GK5: variants seen among roughly 807,000 people sequenced by gnomAD.
The protein encoded by GK5 is ATP:glycerol 3-phosphotransferase 5.
Under a neutral mutation model 77.3 loss-of-function variants are expected in GK5, and 39 were observed. That is an observed-to-expected ratio of 0.50 (90% CI 0.39 to 0.66). The LOEUF is 0.66. Ranked by LOEUF, GK5 falls within the 30% of genes least tolerant of loss-of-function variation. The pLI, the probability that GK5 is intolerant of heterozygous loss-of-function variation, is 0.00. For synonymous variants in GK5, 211 were observed against 208.0 expected (o/e 1.01, Z -0.13); for missense variants, 487 against 633.8 (o/e 0.77, Z 2.49).
At chr3:142,184,560 A>C (rs2063742192) in intron 9 of GK5, among the ~76,000 whole-genome samples, 1 of 152,066 alleles carries the variant, frequency 6.6e-6, no homozygotes, top group African/African-American at 2.4e-5. Context: ...AAGGATCAAA[A>C]CTCATCTAAA....
intron 4 of GK5, among the ~76,000 whole-genome samples, chr3:142,199,727 G>A (rs1404900027): frequency 6.8e-6 from 1 of 148,110 alleles, no homozygotes; most frequent in Non-Finnish European, 1.5e-5. Flanking sequence ...TAGGTATACA[G>A]AAAACAAGCT....
At chr3:142,206,624 C>A (rs1015782744) in intron 3 of GK5, among the ~76,000 whole-genome samples, 9 of 152,188 alleles carry the variant, frequency 5.9e-5, no homozygotes, top group African/African-American at 2.2e-4. Context: ...TGTAGGAATT[C>A]TTTACATGTT....
At chr3:142,182,416 C>T (rs1278946380) in intron 10 of GK5, among the ~76,000 whole-genome samples, 2 of 152,048 alleles carry the variant, frequency 1.3e-5, no homozygotes, top group Non-Finnish European at 2.9e-5. Context: ...GCGATCTTGG[C>T]TCACTGCAAC....
chr3:142,189,908 AAATAT>A (rs1167154754), intron 5 of GK5, among the ~76,000 whole-genome samples: 2 of 152,208 alleles, frequency 1.3e-5, no homozygotes, highest in Non-Finnish European at 2.9e-5. Context: ...AGAATTTTAC[AAATAT>A]AATATCAAGG....
chr3:142,168,032 A>G (rs1447144470), intron 15 of GK5, among the ~76,000 whole-genome samples: 1 of 152,028 alleles, frequency 6.6e-6, no homozygotes, highest in African/African-American at 2.4e-5. Context: ...AAACAAAACA[A>G]AACAAAACAA....
At chr3:142,225,151 C>G (rs2064409565) in intron 1 of GK5, among the ~76,000 whole-genome samples, 158 bp downstream of exon 1, 1 of 152,166 alleles carries the variant, frequency 6.6e-6, no homozygotes, top group Non-Finnish European at 1.5e-5. Context: ...AAGACTCAGC[C>G]GGTCTGGGCG....
chr3:142,186,001 A>T lies in GK5; in HGVS notation c.756-12T>A. On this transcript the variant is annotated splice_polypyrimidine_tract_variant and intron_variant, in intron 8 of 15. Coordinates refer to ENST00000392993, the MANE Select transcript of GK5 (RefSeq NM_001039547.3). ...ATCCAAAATTGTGGCTTCAAATAAA[A>T]TTCATTAAAAAGTTAGTTACAGCTC... The T allele has an allele frequency of 6.3e-7, 1 of 1,594,866 alleles. No individual in the cohort carries two copies. The highest frequency in any genetic ancestry group is 8.6e-7 in the Non-Finnish European group (1 of 1,166,174).
chr3:142,186,682 G>A (rs536673627), intron 6 of GK5, among the ~76,000 whole-genome samples, 169 bp from the exon 7 acceptor site: 2 of 145,622 alleles, frequency 1.4e-5, no homozygotes, highest in Non-Finnish European at 3.0e-5. Flanking sequence ...CCAGGCTAGA[G>A]TGCAATGGCA....
chr3:142,224,982 C>T (rs866440030), intron 1 of GK5, among the ~76,000 whole-genome samples: 1 of 152,208 alleles, frequency 6.6e-6, no homozygotes, highest in African/African-American at 2.4e-5. Context: ...CAGTCCCGTC[C>T]GGCGAGTCAC....
intron 4 of GK5, among the ~76,000 whole-genome samples, chr3:142,200,744 T>C (rs2064009130): frequency 6.6e-6 from 1 of 152,218 alleles, no homozygotes; most frequent in Non-Finnish European, 1.5e-5. Context: ...TAACTGCACT[T>C]TTAGACAACA....
In GK5 at chr3:142,181,659, G is replaced by A. The variant is rs1348326523; in HGVS notation, c.944-94C>T. On this transcript the variant is annotated intron_variant, in intron 10 of 15. Transcript: ENST00000392993. ...AATGATTTGGTTATCTCAAAAAACTGCAAAGTGCCTCTGAAGTCAGACTGT... is the reference window on the plus strand; with the variant it reads ...AATGATTTGGTTATCTCAAAAAACTACAAAGTGCCTCTGAAGTCAGACTGT... 3.7e-6 allele frequency: 3 copies of A among 816,170 alleles called. No individual in the cohort carries two copies. In the African/African-American group the frequency reaches 5.3e-5, roughly 14 times the overall value. The allele number at this position is 816,170 out of a possible 1,614,324, so 50.6% of individuals were successfully genotyped here.
rs199647397 is a variant in GK5 at position 142,197,197 on chromosome 3, GA to G, written c.543+1604del. Among the ~76,000 whole-genome samples, 424 of 146,396 alleles carry G rather than the reference GA, an allele frequency of 2.9e-3. 2 individuals carry two copies. Among genetic ancestry groups the G allele is most frequent in the African/African-American group, 6.5e-3 (258 of 39,930 alleles). On this transcript the variant is annotated intron_variant, in intron 5 of 15. Transcript: ENST00000392993. ...GTGAGACTCCGTCTCAAAAAAAAGAGAAAAAAAAAAGAAAGTGGGGTACTGA... is the reference window on the plus strand; with the variant it reads ...GTGAGACTCCGTCTCAAAAAAAAGAGAAAAAAAAAGAAAGTGGGGTACTGA...
chr3:142,185,598 T>C, intron 9 of GK5: 9 of 1,115,746 alleles, frequency 8.1e-6, no homozygotes, highest in Non-Finnish European at 8.8e-6. Context: ...CATCACTGTG[T>C]TTTGTCTCAG....
intron 5 of GK5, 144 bp from the exon 6 acceptor site, chr3:142,187,923 G>T: frequency 3.2e-6 from 2 of 617,490 alleles, no homozygotes; most frequent in Non-Finnish European, 5.6e-6. Flanking sequence ...TATTCCAAAT[G>T]GTTCTAAGTG....
At chr3:142,215,987 A>C (rs1051481570) in intron 1 of GK5, among the ~76,000 whole-genome samples, 2 of 152,212 alleles carry the variant, frequency 1.3e-5, no homozygotes, top group Non-Finnish European at 2.9e-5. Flanking sequence ...GCTTTTAAAA[A>C]ATTAAAAATA....
chr3:142,174,293 T>C (rs577217841), intron 12 of GK5, among the ~76,000 whole-genome samples: 7 of 152,324 alleles, frequency 4.6e-5, no homozygotes, highest in East Asian at 3.9e-4. Flanking sequence ...GCTATAGCTA[T>C]GATTTCCCTC....
At chr3:142,181,434 G>A (rs924239747) in intron 11 of GK5, 27 bp downstream of exon 11, 2 of 1,409,310 alleles carry the variant, frequency 1.4e-6, no homozygotes, top group South Asian at 1.2e-5. Context: ...GGTCTGGCTT[G>A]TGAAATCCAT....
chr3:142,166,680 C>T (rs566586957), intron 15 of GK5, among the ~76,000 whole-genome samples: 130 of 152,214 alleles, frequency 8.5e-4, no homozygotes, highest in Non-Finnish European at 8.2e-4. Flanking sequence ...ACCATAGGCA[C>T]GTGCCACCAC....
At chr3:142,174,639 A>G (rs2108783006) in intron 12 of GK5, among the ~76,000 whole-genome samples, 1 of 152,358 alleles carries the variant, frequency 6.6e-6, no homozygotes, top group South Asian at 2.1e-4. Flanking sequence ...TGGCAATCAC[A>G]GGACTTGCTG....
Sources: gnomAD v4.1 joint callset for allele counts (sites outside exome capture counted in the v4.1 genomes callset) on GRCh38, gnomAD v4.1.1 for gene constraint, MANE v1.5 for transcripts, NCBI Gene and HGNC (gene_info 2026-07-23, HGNC 2026-07-21) for gene names.